FUCA1: variants seen among roughly 807,000 people sequenced by gnomAD.
FUCA1 encodes the protein tissue alpha-L-fucosidase.
A neutral mutation model predicts 56.8 loss-of-function variants in FUCA1; 52 were observed. The ratio of observed to expected loss-of-function variants is 0.92; its 90% CI spans 0.73 to 1.15. The LOEUF (loss-of-function observed/expected upper bound fraction) is 1.15, where lower values mean the gene tolerates loss of function less well. Ranked by LOEUF, FUCA1 falls within the 50% of genes most tolerant of loss-of-function variation. The probability of loss-of-function intolerance (pLI) is 0.00; values close to 1 mark genes in which losing one functional copy is unlikely to be tolerated. For missense variants in FUCA1, 568 were observed against 592.6 expected, an observed-to-expected ratio of 0.96 and a Z score of 0.43; for synonymous variants, 230 against 226.6, an observed-to-expected ratio of 1.02 and a Z score of -0.14.
intron 1 of FUCA1, 47 bp from the exon 2 acceptor site, chr1:23,865,672 T>A: frequency 6.2e-7 from 1 of 1,612,182 alleles, no homozygotes; most frequent in Non-Finnish European, 8.5e-7. Context: ...GCAGTGAACT[T>A]GCATGAACTT....
chr1:23,845,827 A>G lies in FUCA1; in HGVS notation c.1289T>C (p.Leu430Pro), dbSNP rs769988970. Residue 430 changes from leucine (L) to proline (P), a missense_variant, in exon 8 of 8, where the codon CTG becomes CCG. Leu to Pro is a moderately conservative substitution (Grantham distance 98). Coordinates refer to ENST00000374479, the MANE Select transcript of FUCA1 (RefSeq NM_000147.5). ...TTTATCTGGATCTGTGGACCACTTC[A>G]GATCTCCTTGAATTCCCAGCATTGT... ...KITMLGIQGD[L>P]KWSTDPDKGL... 6.2e-6 allele frequency: 10 copies of G among 1,614,066 alleles called. No individual in the cohort carries two copies. The South Asian group carries it at 1.1e-4, about 18-fold the overall frequency.
At chr1:23,861,631 A>G (rs913166566) in intron 3 of FUCA1, among the ~76,000 whole-genome samples, 4 of 151,770 alleles carry the variant, frequency 2.6e-5, no homozygotes, top group Non-Finnish European at 1.5e-5. Flanking sequence ...ACTCTAGCAT[A>G]TTATTACTCT....
intron 2 of FUCA1, 31 bp downstream of exon 2, chr1:23,865,460 G>A: frequency 6.2e-7 from 1 of 1,613,996 alleles, no homozygotes; most frequent in African/African-American, 1.3e-5. Context: ...GATCCAAAGA[G>A]ATAACAGAGT....
chr1:23,852,264 T>A (rs1237606539), intron 5 of FUCA1, among the ~76,000 whole-genome samples: 1 of 151,658 alleles, frequency 6.6e-6, no homozygotes, highest in Non-Finnish European at 1.5e-5. Flanking sequence ...CTACAAAAAA[T>A]TTAAAAATTA....
chr1:23,849,105 C>T (rs1267623049), intron 5 of FUCA1, among the ~76,000 whole-genome samples: 1 of 152,076 alleles, frequency 6.6e-6, no homozygotes, highest in Non-Finnish European at 1.5e-5. Context: ...GCCTCAGTCT[C>T]CTGAGTAGCT....
intron 3 of FUCA1, 90 bp downstream of exon 3, chr1:23,863,044 A>G (rs1639541387): frequency 1.8e-5 from 25 of 1,373,096 alleles, no homozygotes; most frequent in Non-Finnish European, 1.9e-5. Flanking sequence ...TTTTTTTCAT[A>G]CCTATCCCTC....
Position 23,845,380 on chromosome 1 carries a change from G to C in FUCA1, c.*335C>G, listed in dbSNP as rs932763389. 1.4e-5 allele frequency: 5 copies of C among 369,874 alleles called. No homozygotes were observed. The highest frequency in any genetic ancestry group is 8.4e-5 in the African/African-American group (4 of 47,562). The allele number at this position is 369,874 out of a possible 1,614,324, so 22.9% of individuals were successfully genotyped here. On this transcript the variant is annotated 3_prime_UTR_variant, in exon 8 of 8. Transcript: ENST00000374479. ...CCTCCCATAGGCAACAGGGTGACTT[G>C]GCTTAAAGGCATTGAGTAAGCAAGT... is the stretch of plus-strand genomic sequence containing the variant.
chr1:23,857,583 C>T (rs1466900805), intron 4 of FUCA1, among the ~76,000 whole-genome samples: 5 of 152,012 alleles, frequency 3.3e-5, no homozygotes, highest in African/African-American at 9.7e-5. Context: ...CTGCAACCTC[C>T]GCCTCCCGGG....
chr1:23,863,404 C>A (rs1207580769), intron 2 of FUCA1, 133 bp from the exon 3 acceptor site: 2 of 842,150 alleles, frequency 2.4e-6, no homozygotes, highest in Non-Finnish European at 3.6e-6. Flanking sequence ...GAATGGGATC[C>A]AAAACCATTT....
chr1:23,853,166 C>A (rs1428667602), intron 5 of FUCA1, among the ~76,000 whole-genome samples: 1 of 150,946 alleles, frequency 6.6e-6, no homozygotes, highest in South Asian at 2.1e-4. Flanking sequence ...TGCCCGGCCG[C>A]GACCCCGTCT....
In FUCA1 at chr1:23,845,810, GA is replaced by G; in HGVS notation, c.1305del (p.Pro436GlnfsTer25). ...GIQGDLKWSTDPDKGLFISLP... is the reference protein window; with the variant it reads ...GIQGDLKWSTXPDKGLFISLP... ...AGAGAGATGAAGAGACCTTTATCTGGATCTGTGGACCACTTCAGATCTCCTT... is the reference window on the plus strand; with the variant it reads ...AGAGAGATGAAGAGACCTTTATCTGGTCTGTGGACCACTTCAGATCTCCTT... On this transcript the variant is annotated frameshift_variant, in exon 8 of 8. Coordinates refer to ENST00000374479, the MANE Select transcript of FUCA1 (RefSeq NM_000147.5). LOFTEE classifies it low-confidence loss of function (END_TRUNC). 6.2e-7 allele frequency: 1 copy of G among 1,613,986 alleles called. No homozygotes were observed.
At chr1:23,846,552 T>G (rs1441697386) in intron 6 of FUCA1, among the ~76,000 whole-genome samples, 1 of 152,002 alleles carries the variant, frequency 6.6e-6, no homozygotes, top group Non-Finnish European at 1.5e-5. Context: ...ATTACAAGTA[T>G]GAGCCATTGC....
intron 5 of FUCA1, among the ~76,000 whole-genome samples, chr1:23,852,539 T>A (rs896965665): frequency 6.6e-6 from 1 of 151,866 alleles, no homozygotes; most frequent in Non-Finnish European, 1.5e-5. Context: ...GAAGCTGGAC[T>A]GTACTGCTGC....
intron 2 of FUCA1, 95 bp from the exon 3 acceptor site, chr1:23,863,366 G>T: frequency 1.6e-6 from 2 of 1,255,876 alleles, no homozygotes; most frequent in South Asian, 1.3e-5. Context: ...CATTTCAGTG[G>T]CACTCACTCA....
At chr1:23,847,158 AT>A (rs1639161006) in intron 6 of FUCA1, among the ~76,000 whole-genome samples, 1 of 152,080 alleles carries the variant, frequency 6.6e-6, no homozygotes, top group Non-Finnish European at 1.5e-5. Flanking sequence ...GATACTATCT[AT>A]TTTCCCTACC....
chr1:23,866,478 C>T (rs1039338699), intron 1 of FUCA1, among the ~76,000 whole-genome samples: 2 of 152,222 alleles, frequency 1.3e-5, no homozygotes, highest in African/African-American at 2.4e-5. Flanking sequence ...ATTTAATTTG[C>T]TTTTATGGCA....
chr1:23,858,209 C>A (rs930895330), intron 4 of FUCA1, among the ~76,000 whole-genome samples: 3 of 152,022 alleles, frequency 2.0e-5, no homozygotes, highest in Admixed American at 6.6e-5. Context: ...GGACTACAGG[C>A]ACCCACTACC....
At position 23,867,992 on chromosome 1, in the gene FUCA1, G is replaced by A. The variant is rs1435005668; in HGVS notation, c.295C>T (p.Pro99Ser). The change falls in exon 1 of 8, where the codon CCC becomes TCC. Residue 99 changes from proline (P) to serine (S), a missense_variant. Physicochemically the swap from Pro to Ser is moderately conservative, Grantham distance 74. Transcript: ENST00000374479. This position sits in a 1 kb window ranked among gnomAD's most constrained non-coding sequence, Gnocchi z 4.9. ...YQRFMRDNYP[P>S]GFSYADFGPQ... is the part of the protein sequence containing the mutation. ...CCGAAGTCGGCGTAGCTGAAGCCGG[G>A]CGGGTAGTTGTCGCGCATGAAGCGC... 11 of 1,603,642 alleles carry A rather than the reference G, an allele frequency of 6.9e-6. No homozygotes were observed. The highest frequency in any genetic ancestry group is 9.4e-6 in the Non-Finnish European group (11 of 1,176,250).
chr1:23,849,458 C>T (rs780117616), intron 5 of FUCA1, among the ~76,000 whole-genome samples: 2 of 151,960 alleles, frequency 1.3e-5, no homozygotes, highest in Non-Finnish European at 2.9e-5. Context: ...AAGGGTCATG[C>T]CCCAGAAACA....
Sources: gnomAD v4.1 joint callset for allele counts (sites outside exome capture counted in the v4.1 genomes callset) on GRCh38, gnomAD v4.1.1 for gene constraint, Gnocchi (gnomAD v3.1) non-coding constraint, MANE v1.5 for transcripts, NCBI Gene and HGNC (gene_info 2026-07-23, HGNC 2026-07-21) for gene names.